Variants in PTPN14 observed in about 807,000 individuals in gnomAD.
PTPN14 encodes tyrosine-protein phosphatase non-receptor type 14.
A neutral mutation model predicts 126.8 loss-of-function variants in PTPN14; 53 were observed. That is an observed-to-expected ratio of 0.42 (90% CI 0.34 to 0.53). The LOEUF is 0.53. Ranked by LOEUF, PTPN14 falls within the 20% of genes least tolerant of loss-of-function variation. PTPN14 has a pLI of 0.08. For missense variants in PTPN14, 1,257 were observed against 1,552.9 expected (o/e 0.81, Z 3.20); for synonymous variants, 630 against 599.3 (o/e 1.05, Z -0.75).
At chr1:214,539,852 G>GA (rs5780792) in intron 1 of PTPN14, among the ~76,000 whole-genome samples, 8,929 of 152,250 alleles carry the variant, frequency 0.059, 353 homozygotes, top group Middle Eastern at 0.12. Context: ...CTGGCACTCA[G>GA]AAAACGTGCC....
chr1:214,486,419 G>A (rs6675441), intron 1 of PTPN14, among the ~76,000 whole-genome samples: 33,876 of 152,156 alleles, frequency 0.22, 3,886 homozygotes, highest in Middle Eastern at 0.3. Context: ...CTTAAAGTAT[G>A]AGCCTTTATT....
intron 1 of PTPN14, among the ~76,000 whole-genome samples, chr1:214,546,729 G>C (rs1009772820): frequency 2.0e-5 from 3 of 152,148 alleles, no homozygotes; most frequent in Non-Finnish European, 4.4e-5. Context: ...CGGCTCTCTG[G>C]ATATGCAGTA....
chr1:214,484,494 A>AT (rs1661069898), intron 1 of PTPN14, among the ~76,000 whole-genome samples: 1 of 152,182 alleles, frequency 6.6e-6, no homozygotes, highest in African/African-American at 2.4e-5. Flanking sequence ...AGGTGTTCCC[A>AT]TTTTTTCCCC....
rs1657673608 is a variant in PTPN14, at chr1:214,350,103, G to T, written c.*7819C>A. 6.6e-6 allele frequency: 1 copy of T among 152,232 alleles called. No individual in the cohort carries two copies. The highest frequency in any genetic ancestry group is 6.5e-5 in the Admixed American group (1 of 15,280). The allele number at this position is 152,232 out of a possible 1,614,324, so 9.4% of individuals were successfully genotyped here. ...CATTTGTGTTTCCCAGGAGGAGAAG[G>T]TTGGGGAAGAAAATGAAGATAGCTT... On this transcript the variant is annotated 3_prime_UTR_variant, in exon 19 of 19. Transcript: ENST00000366956.
At chr1:214,455,041 T>C (rs781358170) in intron 2 of PTPN14, among the ~76,000 whole-genome samples, 3 of 152,228 alleles carry the variant, frequency 2.0e-5, no homozygotes, top group Non-Finnish European at 4.4e-5. Flanking sequence ...TCTAGCTATT[T>C]TCCTACTCTG....
At chr1:214,508,596 C>T (rs1654897421) in intron 1 of PTPN14, among the ~76,000 whole-genome samples, 1 of 152,176 alleles carries the variant, frequency 6.6e-6, no homozygotes. Context: ...GTCTTCCAAA[C>T]TCCTGTTATT....
chr1:214,545,570 G>C (rs1348019109), intron 1 of PTPN14, among the ~76,000 whole-genome samples: 2 of 152,040 alleles, frequency 1.3e-5, no homozygotes, highest in Non-Finnish European at 2.9e-5. Flanking sequence ...CAATGCTCTT[G>C]GAACAATCTC....
intron 2 of PTPN14, among the ~76,000 whole-genome samples, chr1:214,461,343 A>C (rs1228842881): frequency 6.6e-6 from 1 of 152,148 alleles, no homozygotes; most frequent in Non-Finnish European, 1.5e-5. Flanking sequence ...TAAAGGCTAA[A>C]CATATTACCC....
intron 1 of PTPN14, among the ~76,000 whole-genome samples, chr1:214,549,447 A>G (rs888674889): frequency 2.0e-5 from 3 of 152,362 alleles, no homozygotes; most frequent in African/African-American, 7.2e-5. Flanking sequence ...TAACAAACTT[A>G]GTGACATACA....
At chr1:214,529,370 C>G (rs1655482940) in intron 1 of PTPN14, 1 of 152,116 alleles carries the variant, frequency 6.6e-6, no homozygotes, top group Non-Finnish European at 1.5e-5. Context: ...GTCATAGATA[C>G]CTGACCAAAA....
At chr1:214,491,580 C>A (rs1661253069) in intron 1 of PTPN14, among the ~76,000 whole-genome samples, 1 of 152,292 alleles carries the variant, frequency 6.6e-6, no homozygotes, top group African/African-American at 2.4e-5. Flanking sequence ...TGAGAATCAA[C>A]TGCTGCTGTG....
At chr1:214,420,671 T>C (rs1331842772) in intron 3 of PTPN14, among the ~76,000 whole-genome samples, 2 of 152,246 alleles carry the variant, frequency 1.3e-5, no homozygotes, top group Non-Finnish European at 2.9e-5. Flanking sequence ...GCCTATCATC[T>C]AATCAGGGGT....
chr1:214,476,228 T>C (rs1159258217), intron 1 of PTPN14, among the ~76,000 whole-genome samples: 11 of 152,228 alleles, frequency 7.2e-5, no homozygotes, highest in Non-Finnish European at 1.6e-4. Context: ...AACCTGAGCA[T>C]GTCGCATAGA....
At chr1:214,424,166 G>A (rs1020996728) in intron 3 of PTPN14, among the ~76,000 whole-genome samples, 1 of 151,252 alleles carries the variant, frequency 6.6e-6, no homozygotes, top group African/African-American at 2.4e-5. Context: ...TGTGGTGGCG[G>A]GCGCCTGTAA....
At chr1:214,469,000 T>G (rs1429738058) in intron 1 of PTPN14, among the ~76,000 whole-genome samples, 1 of 152,218 alleles carries the variant, frequency 6.6e-6, no homozygotes, top group Non-Finnish European at 1.5e-5. Context: ...ACACATCATT[T>G]ACCTACATTA....
chr1:214,474,065 T>C (rs1422606969), intron 1 of PTPN14, among the ~76,000 whole-genome samples: 4 of 152,214 alleles, frequency 2.6e-5, no homozygotes, highest in Non-Finnish European at 5.9e-5. Flanking sequence ...AAACTTGTCC[T>C]AAAACACATT....
chr1:214,506,099 A>T (rs576714493), intron 1 of PTPN14, among the ~76,000 whole-genome samples: 2 of 152,182 alleles, frequency 1.3e-5, no homozygotes, highest in African/African-American at 4.8e-5. Flanking sequence ...AATTCCTTCG[A>T]TTACTAAGGA....
At chr1:214,369,359 G>A in intron 17 of PTPN14, 98 bp downstream of exon 17, 4 of 1,185,052 alleles carry the variant, frequency 3.4e-6, no homozygotes, top group Non-Finnish European at 4.9e-6. Flanking sequence ...CCACTTAAGA[G>A]AAAGCATCCT....
intron 13 of PTPN14, among the ~76,000 whole-genome samples, chr1:214,380,749 C>G (rs554332720): frequency 6.6e-6 from 1 of 152,184 alleles, no homozygotes; most frequent in Non-Finnish European, 1.5e-5. Context: ...AAAAGCTGCC[C>G]ATAGTGAGGA....
Sources: allele counts gnomAD v4.1 joint callset (sites outside exome capture counted in the v4.1 genomes callset), GRCh38; gene constraint gnomAD v4.1.1; transcripts MANE v1.5; gene names NCBI Gene and HGNC (gene_info 2026-07-23, HGNC 2026-07-21).